COPB1: variants seen among roughly 807,000 people sequenced by gnomAD.
COPB1 encodes coatomer subunit beta.
Under a neutral mutation model 108.7 loss-of-function variants are expected in COPB1, and 21 were observed. The ratio of observed to expected loss-of-function variants is 0.19; its 90% confidence interval spans 0.14 to 0.28. The LOEUF (loss-of-function observed/expected upper bound fraction) is 0.28. Among genes scored for constraint, COPB1 ranks in the 10% least tolerant of loss-of-function variants. The pLI is 1.00. For synonymous variants in COPB1, 378 were observed against 386.8 expected (o/e 0.98, Z 0.27); for missense variants, 919 against 1,141.3 (o/e 0.81, Z 2.81).
At chr11:14,474,638 C>A in intron 13 of COPB1, 23 bp from the exon 14 acceptor site, 1 of 1,611,410 alleles carries the variant, frequency 6.2e-7, no homozygotes, top group South Asian at 1.1e-5. Context: ...CAAGGAAAAT[C>A]AAACCCACCA....
At chr11:14,484,085 T>C (rs1330180715) in intron 7 of COPB1, among the ~76,000 whole-genome samples, 2 of 152,214 alleles carry the variant, frequency 1.3e-5, no homozygotes, top group East Asian at 3.9e-4. Context: ...TCCAAAAATG[T>C]ACAACCTCAA....
intron 14 of COPB1, among the ~76,000 whole-genome samples, chr11:14,473,208 C>T (rs1850445782): frequency 6.6e-6 from 1 of 152,130 alleles, no homozygotes; most frequent in Non-Finnish European, 1.5e-5. Flanking sequence ...CTCCTGACCT[C>T]GTGATCCGCC....
At chr11:14,460,849 G>A (rs1203778051) in intron 19 of COPB1, among the ~76,000 whole-genome samples, 1 of 152,064 alleles carries the variant, frequency 6.6e-6, no homozygotes, top group African/African-American at 2.4e-5. Context: ...AAGGGACAAA[G>A]TTCCTCAACA....
At chr11:14,475,119 A>AAAAAAAAAAAAAAAAAAAAG (rs1565016788) in intron 13 of COPB1, among the ~76,000 whole-genome samples, 1 of 133,434 alleles carries the variant, frequency 7.5e-6, no homozygotes, top group African/African-American at 2.8e-5. Flanking sequence ...AAAAAAAAAA[A>AAAAAAAAAAAAAAAAAAAAG]GAAAACTTAT....
At chr11:14,487,692 C>CAA (rs372122303) in intron 6 of COPB1, among the ~76,000 whole-genome samples, 3 of 142,956 alleles carry the variant, frequency 2.1e-5, no homozygotes, top group African/African-American at 5.1e-5. Context: ...CAAAAAACAA[C>CAA]AAAAAAAAAA....
At chr11:14,464,692 T>C (rs561289063) in intron 18 of COPB1, among the ~76,000 whole-genome samples, 53 of 152,244 alleles carry the variant, frequency 3.5e-4, no homozygotes, top group Non-Finnish European at 6.6e-4. Context: ...CTTAGCTAGC[T>C]CCTCCTTTTG....
At position 14,475,885 on chromosome 11, in the gene COPB1, T is replaced by C; in HGVS notation, c.1516A>G (p.Ile506Val). ...AATTTCTGAACTGGCCCTACAGTTA[T>C]TTCTTCTTCAGGTTTTAATTCACCA... ...EAGELKPEEE[I>V]TVGPVQKLVT... The change falls in exon 13 of 22, where the codon ATA (isoleucine) becomes GTA (valine). Residue 506 changes from isoleucine to valine, a missense_variant. Around this residue, in one of 5 missense-constraint regions of COPB1, gnomAD observed 705 missense variants for 817.8 expected, o/e 0.86. Coordinates refer to ENST00000439561, the MANE Select transcript of COPB1 (RefSeq NM_001144061.2). The C allele has an allele frequency of 1.2e-6, 2 of 1,613,386 alleles. No homozygotes were observed. Among genetic ancestry groups the C allele is most frequent in the Non-Finnish European group, 1.7e-6 (2 of 1,179,752 alleles).
At chr11:14,487,673 CA>C (rs907185827) in intron 6 of COPB1, among the ~76,000 whole-genome samples, 1 of 136,076 alleles carries the variant, frequency 7.3e-6, no homozygotes. Context: ...AGACTCTGCC[CA>C]AAAAAAACAA....
At chr11:14,469,620 T>C (rs1589955449) in intron 14 of COPB1, 57 bp from the exon 15 acceptor site, 1 of 1,371,380 alleles carries the variant, frequency 7.3e-7, no homozygotes, top group Non-Finnish European at 1.0e-6. Flanking sequence ...ATTGCAATCA[T>C]GTCACTTCAT....
rs1184704119 is a variant in COPB1 at position 14,479,645 on chromosome 11, T to C, written c.1282A>G (p.Ile428Val). ...ADVLEFVREA[I>V]QRFDNLRMLI... is the part of the protein sequence containing the mutation. ...ATTCTCAGGTTATCAAAGCGCTGAATGGCTTCACGAACAAACTCCAAGACA... is the reference window on the plus strand; with the variant it reads ...ATTCTCAGGTTATCAAAGCGCTGAACGGCTTCACGAACAAACTCCAAGACA... Residue 428 changes from isoleucine (I) to valine (V), a missense_variant, in exon 11 of 22, where the codon ATT (isoleucine) becomes GTT (valine). This residue lies in a region of COPB1 where 705 missense variants were observed against 817.8 expected (regional missense o/e 0.86). Coordinates refer to ENST00000439561, the MANE Select transcript of COPB1 (RefSeq NM_001144061.2). The C allele has an allele frequency of 6.2e-7, 1 of 1,613,066 alleles. No homozygotes were observed.
chr11:14,476,762 CTTT>C (rs10612229), intron 12 of COPB1, among the ~76,000 whole-genome samples, 154 bp downstream of exon 12: 34 of 130,980 alleles, frequency 2.6e-4, no homozygotes, highest in Non-Finnish European at 2.9e-4. Flanking sequence ...GCTACTGCTT[CTTT>C]TTTTTTTTTT....
intron 10 of COPB1, among the ~76,000 whole-genome samples, chr11:14,479,967 G>A (rs1850626029): frequency 6.6e-6 from 1 of 152,034 alleles, no homozygotes; most frequent in Non-Finnish European, 1.5e-5. Flanking sequence ...ACTATGCCTA[G>A]CTAATATTAA....
chr11:14,499,726 G>A lies in COPB1; in HGVS notation c.-77C>T, dbSNP rs1851113676. On this transcript the variant is annotated 5_prime_UTR_variant, in exon 1 of 22. Coordinates refer to ENST00000439561, the MANE Select transcript of COPB1 (RefSeq NM_001144061.2). Reference sequence around the variant, plus strand: ...ACCCACCACGCCTCTGGGACTGGGGGCTTGTGGCCCACTACCAGGCTCCGA... The same window carrying A: ...ACCCACCACGCCTCTGGGACTGGGGACTTGTGGCCCACTACCAGGCTCCGA... 1 of 152,336 alleles carries A rather than the reference G, an allele frequency of 6.6e-6. No homozygotes were observed. The highest frequency in any genetic ancestry group is 2.4e-5 in the African/African-American group (1 of 41,440). The allele number at this position is 152,336 out of a possible 1,614,324, so 9.4% of individuals were successfully genotyped here.
chr11:14,460,348 A>G, intron 19 of COPB1, 51 bp from the exon 20 acceptor site: 1 of 1,182,238 alleles, frequency 8.5e-7, no homozygotes, highest in Non-Finnish European at 1.2e-6. Flanking sequence ...ACTATGAGAA[A>G]GCTGTGAATC....
At chr11:14,473,752 C>T (rs1850459689) in intron 14 of COPB1, among the ~76,000 whole-genome samples, 2 of 150,026 alleles carry the variant, frequency 1.3e-5, no homozygotes, top group African/African-American at 2.5e-5. Context: ...AAATGTAACA[C>T]AGAGATATGA....
At chr11:14,460,620 G>C (rs1243616835) in intron 19 of COPB1, among the ~76,000 whole-genome samples, 1 of 151,772 alleles carries the variant, frequency 6.6e-6, no homozygotes, top group Non-Finnish European at 1.5e-5. Context: ...ATGTTCAAGT[G>C]ATCCTCCCAC....
At chr11:14,469,176 T>TA (rs1369784100) in intron 15 of COPB1, among the ~76,000 whole-genome samples, 160 bp downstream of exon 15, 4 of 152,136 alleles carry the variant, frequency 2.6e-5, no homozygotes, top group Non-Finnish European at 4.4e-5. Context: ...CTCATTTTTT[T>TA]TGTTGAGACA....
chr11:14,462,656 T>C (rs1366657392), intron 18 of COPB1, among the ~76,000 whole-genome samples: 1 of 152,164 alleles, frequency 6.6e-6, no homozygotes, highest in Non-Finnish European at 1.5e-5. Flanking sequence ...TGGAATTCAC[T>C]CTCACATCCT....
intron 11 of COPB1, among the ~76,000 whole-genome samples, chr11:14,477,633 G>T (rs892060663): frequency 6.6e-6 from 1 of 151,940 alleles, no homozygotes; most frequent in Non-Finnish European, 1.5e-5. Flanking sequence ...AGTGGCTCAC[G>T]CCTGTAATCC....
Sources: allele counts gnomAD v4.1 joint callset (sites outside exome capture counted in the v4.1 genomes callset), GRCh38; gene constraint gnomAD v4.1.1; regional missense constraint gnomAD v4.1.1; transcripts MANE v1.5; gene names NCBI Gene and HGNC (gene_info 2026-07-23, HGNC 2026-07-21).